PRKN: variants seen among roughly 807,000 people sequenced by gnomAD.
PRKN encodes E3 ubiquitin-protein ligase parkin.
In PRKN, 56 loss-of-function variants were observed where a neutral mutation model predicts 59.5. That is an observed-to-expected ratio of 0.94 (90% CI 0.76 to 1.18). The LOEUF is 1.18. Ranked by LOEUF, PRKN falls within the 50% of genes most tolerant of loss-of-function variation. The probability of loss-of-function intolerance (pLI) is 0.00; values close to 1 mark genes in which losing one functional copy is unlikely to be tolerated. For missense variants in PRKN, 657 were observed against 596.4 expected, an observed-to-expected ratio of 1.10 and a Z score of -1.06; for synonymous variants, 250 against 222.1, an observed-to-expected ratio of 1.13 and a Z score of -1.12.
At chr6:162,568,769 T>A in intron 1 of PRKN, 2 of 743,210 alleles carry the variant, frequency 2.7e-6, no homozygotes, top group South Asian at 1.3e-5. Context: ...AGCCGGACAC[T>A]CTGGTCCAGG....
intron 7 of PRKN, among the ~76,000 whole-genome samples, chr6:161,586,983 G>C (rs2128139568): frequency 6.6e-6 from 1 of 152,204 alleles, no homozygotes; most frequent in East Asian, 1.9e-4. Context: ...TTTATAGGTG[G>C]GGTCAATGGG....
At position 162,503,400 on chromosome 6, in the gene PRKN, G is replaced by A. The variant is rs148321139; in HGVS notation, c.8-59927C>T. The stretch of plus-strand genomic sequence containing the variant: ...GCTGGTCATCAACCCCCGACCTCAG[G>A]AGATCTTCCTGCCTCAGCCTCCCAG... On this transcript the variant is annotated intron_variant, in intron 1 of 11. Coordinates refer to ENST00000366898, the MANE Select transcript of PRKN (RefSeq NM_004562.3). 5.2e-3 allele frequency among the ~76,000 whole-genome samples: 793 copies of A among 152,092 alleles called. 7 individuals carry two copies. The highest frequency in any genetic ancestry group is 0.019 in the African/African-American group (769 of 41,494).
intron 6 of PRKN, among the ~76,000 whole-genome samples, chr6:161,848,019 C>T (rs958745039): frequency 3.3e-5 from 5 of 152,102 alleles, no homozygotes; most frequent in African/African-American, 4.8e-5. Flanking sequence ...TTTAGGTCAC[C>T]GCCTTATCTT....
chr6:161,475,913 G>A lies in PRKN; in HGVS notation c.1083+72941C>T, dbSNP rs1791043228. On this transcript the variant is annotated intron_variant, in intron 9 of 11. Transcript: ENST00000366898. The surrounding 1 kb of genome is among the most constrained non-coding windows in gnomAD (Gnocchi z 5.3). ...AAATATTATTCAAGATAGGCTGGTCGCGGTGGCTCACGCCTGTAATCCCAG... is the reference window on the plus strand; with the variant it reads ...AAATATTATTCAAGATAGGCTGGTCACGGTGGCTCACGCCTGTAATCCCAG... 2.0e-5 allele frequency among the ~76,000 whole-genome samples: 3 copies of A among 151,686 alleles called. No individual in the cohort carries two copies. In the South Asian group the frequency reaches 6.3e-4, roughly 32 times the overall value.
intron 5 of PRKN, among the ~76,000 whole-genome samples, chr6:161,999,694 AACT>A (rs1781977830): frequency 6.6e-6 from 1 of 152,056 alleles, no homozygotes; most frequent in African/African-American, 2.4e-5. Flanking sequence ...GATGAAATGG[AACT>A]ACTTTTGTTA....
intron 6 of PRKN, among the ~76,000 whole-genome samples, chr6:161,833,715 C>A (rs1792613812): frequency 6.6e-6 from 1 of 152,120 alleles, no homozygotes. Context: ...GCTTCTGCCT[C>A]ACTGTATGGA....
At chr6:161,935,627 C>A (rs1343288244) in intron 6 of PRKN, among the ~76,000 whole-genome samples, 4 of 149,936 alleles carry the variant, frequency 2.7e-5, no homozygotes, top group African/African-American at 9.8e-5. Flanking sequence ...ATCAGAGCAA[C>A]ATGAATTCTG....
intron 6 of PRKN, among the ~76,000 whole-genome samples, chr6:161,936,413 G>A (rs866533509): frequency 1.3e-5 from 2 of 151,972 alleles, no homozygotes; most frequent in Non-Finnish European, 2.9e-5. Flanking sequence ...GTTTCATTGT[G>A]TTAGCCAGGA....
intron 1 of PRKN, among the ~76,000 whole-genome samples, chr6:162,560,966 T>A (rs1427731738): frequency 6.6e-6 from 1 of 151,278 alleles, no homozygotes; most frequent in Non-Finnish European, 1.5e-5. Flanking sequence ...CAGAAAAGAC[T>A]TTATAAAAGG....
intron 7 of PRKN, among the ~76,000 whole-genome samples, chr6:161,679,628 G>A (rs73597160): frequency 0.016 from 2,328 of 146,864 alleles, 102 homozygotes; most frequent in African/African-American, 0.056. Context: ...CTGGAAAATG[G>A]GGAAGCAAGT....
rs184989184 is a variant in PRKN at position 161,549,471 on chromosome 6, G to A, written c.934-468C>T. The stretch of plus-strand genomic sequence containing the variant: ...AGGTTTTATATTTATTTTGAAAATC[G>A]GCCCAGCATTCCACCTCATAATATT... On this transcript the variant is annotated intron_variant, in intron 8 of 11. Transcript: ENST00000366898. This position sits in a 1 kb window ranked among gnomAD's most constrained non-coding sequence, Gnocchi z 6.0. Among the ~76,000 whole-genome samples, 28 of 151,950 alleles carry A rather than the reference G, an allele frequency of 1.8e-4. No homozygotes were observed. The highest frequency in any genetic ancestry group is 3.9e-4 in the Admixed American group (6 of 15,272).
At chr6:161,890,860 C>T (rs1021431774) in intron 6 of PRKN, among the ~76,000 whole-genome samples, 10 of 152,124 alleles carry the variant, frequency 6.6e-5, no homozygotes, top group African/African-American at 2.4e-4. Context: ...GCTCTGCCTC[C>T]GGGGTCTTAG....
At chr6:162,162,797 A>C (rs372410880) in intron 4 of PRKN, among the ~76,000 whole-genome samples, 6,195 of 139,510 alleles carry the variant, frequency 0.044, 223 homozygotes, top group Middle Eastern at 0.087. Flanking sequence ...ATCACAAGGT[A>C]AGGAGTTCGA....
chr6:162,183,737 C>G (rs1783899910), intron 4 of PRKN, among the ~76,000 whole-genome samples: 1 of 152,150 alleles, frequency 6.6e-6, no homozygotes, highest in Non-Finnish European at 1.5e-5. Flanking sequence ...GCTTTGGGCT[C>G]AATAGCCATA....
chr6:162,239,519 A>T lies in PRKN; in HGVS notation c.412+23006T>A, dbSNP rs970987129. Among the ~76,000 whole-genome samples the T allele has an allele frequency of 4.6e-5, 7 of 152,198 alleles. No individual in the cohort carries two copies. The East Asian group carries it at 9.7e-4, about 21-fold the overall frequency. On this transcript the variant is annotated intron_variant, in intron 3 of 11. Transcript: ENST00000366898. The stretch of plus-strand genomic sequence containing the variant: ...GAGTCAGCCATCCAACGCAGCGCAG[A>T]GCTGTGATACAACCCACTTCCACTC...
chr6:161,861,778 G>A (rs907296458), intron 6 of PRKN, among the ~76,000 whole-genome samples: 1 of 152,070 alleles, frequency 6.6e-6, no homozygotes, highest in African/African-American at 2.4e-5. Flanking sequence ...TCAAAAACCT[G>A]ATAGTAATTG....
chr6:161,440,111 C>T lies in PRKN; in HGVS notation c.1084-53234G>A, dbSNP rs9456668. Among the ~76,000 whole-genome samples the T allele has an allele frequency of 0.015, 2,235 of 151,944 alleles. 63 individuals carry two copies. Among genetic ancestry groups the T allele is most frequent in the African/African-American group, 0.05 (2,092 of 41,442 alleles). ...GACTACAGGCGCCCACCACCACGCC[C>T]GGCTAATTTTTTTTGGTATTTTTAG... On this transcript the variant is annotated intron_variant, in intron 9 of 11. Transcript: ENST00000366898. This position sits in a 1 kb window ranked among gnomAD's most constrained non-coding sequence, Gnocchi z 4.1.
At chr6:161,383,371 A>G (rs1786081140) in intron 10 of PRKN, among the ~76,000 whole-genome samples, 1 of 152,252 alleles carries the variant, frequency 6.6e-6, no homozygotes, top group South Asian at 2.1e-4. Flanking sequence ...AAATTCGCTC[A>G]TAGAGAAGGT....
chr6:162,577,481 T>C (rs2128210352), intron 1 of PRKN, among the ~76,000 whole-genome samples: 1 of 152,096 alleles, frequency 6.6e-6, no homozygotes, highest in South Asian at 2.1e-4. Flanking sequence ...GCACCTGTAA[T>C]CCCAGCTACT....
Sources: allele counts gnomAD v4.1 joint callset (sites outside exome capture counted in the v4.1 genomes callset), GRCh38; gene constraint gnomAD v4.1.1; non-coding constraint Gnocchi (gnomAD v3.1); transcripts MANE v1.5; gene names NCBI Gene and HGNC (gene_info 2026-07-23, HGNC 2026-07-21).